The following SCAPER variants were observed in gnomAD, a reference collection of about 807,000 sequenced individuals.
SCAPER encodes S-phase cyclin A associated protein in the ER, also known as S phase cyclin A-associated protein in the endoplasmic reticulum.
Under a neutral mutation model 182.2 loss-of-function variants are expected in SCAPER, and 98 were observed. The ratio of observed to expected loss-of-function variants is 0.54; its 90% CI spans 0.46 to 0.64. SCAPER has a LOEUF of 0.64. SCAPER is among the 30% of genes least tolerant of loss of function. The pLI, the probability that SCAPER is intolerant of heterozygous loss-of-function variation, is 0.00. For missense variants in SCAPER, 1,432 were observed against 1,690.0 expected (o/e 0.85, Z 2.68); for synonymous variants, 605 against 564.6 (o/e 1.07, Z -1.01).
chr15:76,494,678 C>A (rs530035896), intron 24 of SCAPER, among the ~76,000 whole-genome samples: 73 of 152,204 alleles, frequency 4.8e-4, no homozygotes, highest in African/African-American at 1.7e-3. Context: ...ACCTTCGAAC[C>A]AAATAGTACT....
intron 20 of SCAPER, among the ~76,000 whole-genome samples, chr15:76,687,089 T>C (rs1331736131): frequency 6.6e-6 from 1 of 152,150 alleles, no homozygotes; most frequent in East Asian, 1.9e-4. Flanking sequence ...ATGATAAATC[T>C]TTGGAATACA....
intron 2 of SCAPER, among the ~76,000 whole-genome samples, chr15:76,875,731 T>G (rs1239615241): frequency 1.8e-4 from 27 of 152,026 alleles, no homozygotes; most frequent in Admixed American, 1.7e-3. Context: ...GTGTTGGGAG[T>G]TTCTTCCTTC....
chr15:76,627,173 T>C (rs1169616931), intron 21 of SCAPER, among the ~76,000 whole-genome samples: 1 of 152,214 alleles, frequency 6.6e-6, no homozygotes, highest in Non-Finnish European at 1.5e-5. Flanking sequence ...GGGATATATG[T>C]ATGCTCCATT....
chr15:76,813,228 A>T (rs1243461660), intron 5 of SCAPER, among the ~76,000 whole-genome samples: 15 of 46,544 alleles, frequency 3.2e-4, no homozygotes, highest in African/African-American at 6.7e-4. Flanking sequence ...TCCTTTCACT[A>T]AAAAAAAAAA....
At chr15:76,443,292 T>G (rs1026784318) in intron 25 of SCAPER, among the ~76,000 whole-genome samples, 1 of 152,246 alleles carries the variant, frequency 6.6e-6, no homozygotes, top group Non-Finnish European at 1.5e-5. Context: ...TTATAACATG[T>G]CTGAAGAGGC....
chr15:76,846,075 G>C (rs2070049618), intron 4 of SCAPER, among the ~76,000 whole-genome samples: 1 of 152,048 alleles, frequency 6.6e-6, no homozygotes, highest in Non-Finnish European at 1.5e-5. Context: ...CAGCAAAGGT[G>C]CCAGGAACAT....
intron 30 of SCAPER, 21 bp downstream of exon 30, chr15:76,353,925 AATT>A: frequency 6.7e-7 from 1 of 1,500,774 alleles, no homozygotes; most frequent in Non-Finnish European, 8.9e-7. Context: ...AAAGCTAGAC[AATT>A]ACGTATAATG....
intron 25 of SCAPER, among the ~76,000 whole-genome samples, chr15:76,451,967 C>CA (rs1567167280): frequency 6.6e-6 from 1 of 152,186 alleles, no homozygotes; most frequent in Non-Finnish European, 1.5e-5. Flanking sequence ...CATACCCCCA[C>CA]ACCTGATCCA....
In SCAPER at chr15:76,809,098, G is replaced by A. The variant is rs111595779; in HGVS notation, c.394-4465C>T. 7.9e-3 allele frequency among the ~76,000 whole-genome samples: 1,200 copies of A among 152,230 alleles called. 11 individuals carry two copies. The highest frequency in any genetic ancestry group is 0.027 in the African/African-American group (1,139 of 41,542). On this transcript the variant is annotated intron_variant, in intron 5 of 31. Coordinates refer to ENST00000563290, the MANE Select transcript of SCAPER (RefSeq NM_020843.4). The stretch of plus-strand genomic sequence containing the variant: ...GCAGTTTAGATCAGCACAAAGGTTT[G>A]AGGGGCACCTAGAATAACTAGCTGA...
chr15:76,446,578 AT>A (rs1269499508), intron 25 of SCAPER, among the ~76,000 whole-genome samples: 1 of 152,194 alleles, frequency 6.6e-6, no homozygotes, highest in Non-Finnish European at 1.5e-5. Context: ...ATTTCCTTTA[AT>A]CTCTTCAGGC....
chr15:76,471,129 A>G, intron 25 of SCAPER, 83 bp downstream of exon 25: 1 of 1,119,506 alleles, frequency 8.9e-7, no homozygotes, highest in Non-Finnish European at 1.2e-6. Flanking sequence ...GAGAGTAACT[A>G]AGTTGAATTC....
At chr15:76,597,334 G>A (rs2049587951) in intron 22 of SCAPER, among the ~76,000 whole-genome samples, 1 of 122,240 alleles carries the variant, frequency 8.2e-6, no homozygotes, top group South Asian at 2.5e-4. Context: ...AACATTCCAT[G>A]CTAATGGATA....
chr15:76,548,032 C>T (rs1239184874), intron 23 of SCAPER, among the ~76,000 whole-genome samples: 1 of 151,944 alleles, frequency 6.6e-6, no homozygotes, highest in Non-Finnish European at 1.5e-5. Flanking sequence ...TATGAGCATC[C>T]TGGATCTCCA....
chr15:76,553,321 C>A (rs2144993990), intron 23 of SCAPER, among the ~76,000 whole-genome samples: 1 of 152,220 alleles, frequency 6.6e-6, no homozygotes, highest in East Asian at 1.9e-4. Flanking sequence ...ACACCGGTGC[C>A]CCTGCCCCTG....
chr15:76,835,933 C>CAAAA (rs35242954), intron 5 of SCAPER, among the ~76,000 whole-genome samples: 18 of 94,164 alleles, frequency 1.9e-4, no homozygotes, highest in Middle Eastern at 7.2e-3. Context: ...ACATTAGCCA[C>CAAAA]AAAAAAAAAA....
chr15:76,723,672 C>T (rs1004834337), intron 17 of SCAPER, among the ~76,000 whole-genome samples: 2 of 152,164 alleles, frequency 1.3e-5, no homozygotes, highest in Non-Finnish European at 2.9e-5. Flanking sequence ...GATCCCTTTA[C>T]CATTATGTAA....
intron 23 of SCAPER, among the ~76,000 whole-genome samples, chr15:76,573,626 T>A (rs541044912): frequency 6.6e-6 from 1 of 152,154 alleles, no homozygotes; most frequent in African/African-American, 2.4e-5. Flanking sequence ...TATCAGTTGC[T>A]ATTACAGGAA....
intron 23 of SCAPER, among the ~76,000 whole-genome samples, chr15:76,562,148 C>CAAAAAAAAAAAAAAA (rs66722088): frequency 1.4e-5 from 1 of 74,032 alleles, no homozygotes; most frequent in African/African-American, 5.2e-5. Context: ...AACTTCATCT[C>CAAAAAAAAAAAAAAA]AAAAAAAAAA....
chr15:76,458,169 A>ACT (rs1366768412), intron 25 of SCAPER, among the ~76,000 whole-genome samples: 1 of 151,734 alleles, frequency 6.6e-6, no homozygotes, highest in African/African-American at 2.4e-5. Context: ...CTTTCAAGAT[A>ACT]CTCTCTCTTT....
Sources: allele counts gnomAD v4.1 joint callset (sites outside exome capture counted in the v4.1 genomes callset), GRCh38; gene constraint gnomAD v4.1.1; transcripts MANE v1.5; gene names NCBI Gene and HGNC (gene_info 2026-07-23, HGNC 2026-07-21).